Variants in GRM7 observed in about 807,000 individuals in gnomAD.
GRM7 encodes the protein metabotropic glutamate receptor 7.
A neutral mutation model predicts 84.5 loss-of-function variants in GRM7; 35 were observed. The observed-to-expected ratio is 0.41, with a 90% CI of 0.32 to 0.55. The LOEUF (loss-of-function observed/expected upper bound fraction) is 0.55. Among genes scored for constraint, GRM7 ranks in the 20% least tolerant of loss-of-function variants. The pLI, the probability that GRM7 is intolerant of heterozygous loss-of-function variation, is 0.19. For synonymous variants in GRM7, 487 were observed against 455.1 expected (o/e 1.07, Z -0.89); for missense variants, 1,003 against 1,194.6 (o/e 0.84, Z 2.36).
chr3:6,873,537 A>G (rs1377620031), intron 1 of GRM7, among the ~76,000 whole-genome samples: 1 of 152,220 alleles, frequency 6.6e-6, no homozygotes, highest in Admixed American at 6.5e-5. Context: ...TAATGTTAAC[A>G]ATAGATCCGT....
rs1402944430 is a variant in GRM7 at position 7,729,232 on chromosome 3, A to C, written c.2699-11125A>C. On this transcript the variant is annotated intron_variant, in intron 9 of 9. Coordinates refer to ENST00000357716, the MANE Select transcript of GRM7 (RefSeq NM_000844.4). ...ATATACAGTGCACCAAACTATTTGA[A>C]TCACCCAATGCACGCATTTGCAGCT... Among the ~76,000 whole-genome samples, 5 of 152,204 alleles carry C rather than the reference A, an allele frequency of 3.3e-5. No individual in the cohort carries two copies. The East Asian group carries it at 9.6e-4, about 29-fold the overall frequency.
At chr3:7,463,904 A>C (rs1698356027) in intron 7 of GRM7, among the ~76,000 whole-genome samples, 1 of 152,212 alleles carries the variant, frequency 6.6e-6, no homozygotes, top group African/African-American at 2.4e-5. Flanking sequence ...TGGCTGCATC[A>C]GATTTAGGAA....
chr3:7,589,754 G>A (rs1695691869), intron 8 of GRM7, among the ~76,000 whole-genome samples: 1 of 152,192 alleles, frequency 6.6e-6, no homozygotes, highest in African/African-American at 2.4e-5. Context: ...GAAAATGTAA[G>A]GAAATGATTT....
At chr3:7,351,997 G>GATAA (rs1471152554) in intron 4 of GRM7, among the ~76,000 whole-genome samples, 1 of 149,094 alleles carries the variant, frequency 6.7e-6, no homozygotes, top group Middle Eastern at 3.2e-3. Context: ...AATTCCCCCT[G>GATAA]ATAAATATAT....
intron 1 of GRM7, among the ~76,000 whole-genome samples, chr3:6,893,657 C>G (rs1179545826): frequency 5.9e-5 from 9 of 152,044 alleles, no homozygotes; most frequent in African/African-American, 2.2e-4. Context: ...AATTTTTGTG[C>G]CTTTTATATT....
intron 1 of GRM7, among the ~76,000 whole-genome samples, chr3:6,922,825 G>C (rs1197210930): frequency 1.3e-5 from 2 of 152,262 alleles, no homozygotes; most frequent in Middle Eastern, 3.4e-3. Flanking sequence ...ATGGTATTTT[G>C]ACTGCCATTG....
intron 5 of GRM7, among the ~76,000 whole-genome samples, chr3:7,430,711 C>A (rs1178156701): frequency 6.6e-6 from 1 of 152,164 alleles, no homozygotes; most frequent in Non-Finnish European, 1.5e-5. Context: ...CTCCATTGGC[C>A]TCTCTTGTTT....
intron 4 of GRM7, among the ~76,000 whole-genome samples, chr3:7,317,765 C>CA (rs201605419): frequency 0.03 from 4,250 of 142,568 alleles, 92 homozygotes; most frequent in African/African-American, 0.063. Context: ...TGATTTTCTA[C>CA]AAAAAAAAAA....
intron 4 of GRM7, among the ~76,000 whole-genome samples, chr3:7,381,130 T>G (rs1395932809): frequency 2.0e-5 from 3 of 152,200 alleles, no homozygotes; most frequent in African/African-American, 7.2e-5. Context: ...TTGAGTATCA[T>G]CTACTTCCTT....
In GRM7 at chr3:6,900,045, T is replaced by C. The variant is rs552681370; in HGVS notation, c.519+38138T>C. Among the ~76,000 whole-genome samples, 5 of 152,264 alleles carry C rather than the reference T, an allele frequency of 3.3e-5. No individual in the cohort carries two copies. In the East Asian group the frequency reaches 9.7e-4, roughly 29 times the overall value. On this transcript the variant is annotated intron_variant, in intron 1 of 9. Coordinates refer to ENST00000357716, the MANE Select transcript of GRM7 (RefSeq NM_000844.4). ...TAATGGATACAGATATAACAGCTAA[T>C]TCAAGAATCCCAAAATAAAGGTGAA... is the stretch of plus-strand genomic sequence containing the variant.
In GRM7 at chr3:7,125,292, T is replaced by A. The variant is rs901476172; in HGVS notation, c.520-21160T>A. On this transcript the variant is annotated intron_variant, in intron 1 of 9. Coordinates refer to ENST00000357716, the MANE Select transcript of GRM7 (RefSeq NM_000844.4). ...GGCTAATCCCAGTCACTCAATAGAC[T>A]GAGGCAGGAGGATCACCTAAGCCTA... Among the ~76,000 whole-genome samples the A allele has an allele frequency of 3.9e-5, 6 of 152,140 alleles. No homozygotes were observed. The East Asian group carries it at 9.6e-4, about 24-fold the overall frequency.
chr3:7,686,481 G>A, intron 9 of GRM7: 2 of 921,470 alleles, frequency 2.2e-6, no homozygotes, highest in Non-Finnish European at 3.6e-6. Flanking sequence ...ATTTATTTAT[G>A]TGTTCTTGTC....
chr3:7,325,420 A>G (rs1700945236), intron 4 of GRM7, among the ~76,000 whole-genome samples: 1 of 152,198 alleles, frequency 6.6e-6, no homozygotes, highest in Admixed American at 6.5e-5. Flanking sequence ...CTGGGCCTCA[A>G]TCCAGAGTTT....
intron 1 of GRM7, among the ~76,000 whole-genome samples, chr3:6,901,393 A>G (rs1315693801): frequency 2.0e-5 from 3 of 151,984 alleles, no homozygotes; most frequent in African/African-American, 4.8e-5. Context: ...AGGTCAAGAG[A>G]TCAAGACCGT....
chr3:6,863,956 G>A lies in GRM7; in HGVS notation c.519+2049G>A, dbSNP rs1694852208. On this transcript the variant is annotated intron_variant, in intron 1 of 9. Transcript: ENST00000357716. This position sits in a 1 kb window ranked among gnomAD's most constrained non-coding sequence, Gnocchi z 4.8. ...GTGTTTGCTGAAAAATATTCCAGGG[G>A]GAGCTGATTCCTTCTCTGGTGTGTG... Among the ~76,000 whole-genome samples the A allele has an allele frequency of 1.3e-5, 2 of 152,254 alleles. No individual in the cohort carries two copies. The highest frequency in any genetic ancestry group is 1.9e-4 in the East Asian group (1 of 5,180).
intron 4 of GRM7, among the ~76,000 whole-genome samples, chr3:7,396,739 G>A (rs1027551677): frequency 2.0e-5 from 3 of 152,108 alleles, no homozygotes; most frequent in Non-Finnish European, 2.9e-5. Context: ...AACCCTCTTT[G>A]TGCATGTTAT....
In GRM7 at chr3:6,862,727, C is replaced by CT. The variant is rs61366754; in HGVS notation, c.519+820_519+821insT. Reference sequence around the variant, plus strand: ...TCTCCCTGCCTCCTCCCTCCTCCCCCCCGCCCCCCTCACCCACTATCTCCC... The same window carrying CT: ...TCTCCCTGCCTCCTCCCTCCTCCCCCTCCGCCCCCCTCACCCACTATCTCCC... On this transcript the variant is annotated intron_variant, in intron 1 of 9. Transcript: ENST00000357716. This position sits in a 1 kb window ranked among gnomAD's most constrained non-coding sequence, Gnocchi z 5.2. The CT allele has an allele frequency of 0.43, 121,409 of 279,868 alleles. 28,224 individuals carry two copies. Among genetic ancestry groups the CT allele is most frequent in the Middle Eastern group, 0.59 (421 of 714 alleles). 17.3% of individuals were successfully genotyped at this position (279,868 alleles called of 1,614,324 possible). A position where few individuals can be genotyped will look rare whatever the true frequency, so the allele number is the denominator to read the frequency against.
At chr3:7,058,614 A>G (rs1308382124) in intron 1 of GRM7, among the ~76,000 whole-genome samples, 1 of 151,944 alleles carries the variant, frequency 6.6e-6, no homozygotes, top group African/African-American at 2.4e-5. Context: ...AGTGCCATAA[A>G]TAAATAGCAC....
intron 1 of GRM7, among the ~76,000 whole-genome samples, chr3:6,949,070 T>C (rs950404357): frequency 5.3e-5 from 8 of 152,188 alleles, no homozygotes; most frequent in South Asian, 2.1e-4. Flanking sequence ...AGGTTAGTAT[T>C]GTTATGTGTG....
Sources: gnomAD v4.1 joint callset for allele counts (sites outside exome capture counted in the v4.1 genomes callset) on GRCh38, gnomAD v4.1.1 for gene constraint, Gnocchi (gnomAD v3.1) non-coding constraint, MANE v1.5 for transcripts, NCBI Gene and HGNC (gene_info 2026-07-23, HGNC 2026-07-21) for gene names.